The following RALGPS2 variants were observed in gnomAD, a reference collection of about 807,000 sequenced individuals.
RALGPS2 encodes Ral GEF with PH domain and SH3 binding motif 2.
RALGPS2 carries 43 observed loss-of-function variants against 86.8 expected under a neutral mutation model. That is an observed-to-expected ratio of 0.50 (90% CI 0.39 to 0.64). The LOEUF (loss-of-function observed/expected upper bound fraction) is 0.64. Among genes scored for constraint, RALGPS2 ranks in the 30% least tolerant of loss-of-function variants. The pLI, the probability that RALGPS2 is intolerant of heterozygous loss-of-function variation, is 0.00. For missense variants in RALGPS2, 536 were observed against 694.6 expected, an observed-to-expected ratio of 0.77 and a Z score of 2.57; for synonymous variants, 243 against 231.3, an observed-to-expected ratio of 1.05 and a Z score of -0.46.
At chr1:178,737,122 A>G (rs898588653) in intron 1 of RALGPS2, among the ~76,000 whole-genome samples, 12 of 152,212 alleles carry the variant, frequency 7.9e-5, no homozygotes, top group African/African-American at 2.9e-4. Flanking sequence ...AAGATGCACT[A>G]TTTATGTACA....
At chr1:178,755,612 T>C (rs528287426) in intron 1 of RALGPS2, among the ~76,000 whole-genome samples, 1 of 152,250 alleles carries the variant, frequency 6.6e-6, no homozygotes, top group Non-Finnish European at 1.5e-5. Flanking sequence ...AGGTTGATTT[T>C]ATATGTCTTT....
At chr1:178,765,477 A>G (rs1338595042) in intron 1 of RALGPS2, among the ~76,000 whole-genome samples, 1 of 152,188 alleles carries the variant, frequency 6.6e-6, no homozygotes, top group Non-Finnish European at 1.5e-5. Flanking sequence ...ATGCTTCACA[A>G]GGTAATAAAA....
At chr1:178,814,587 C>T (rs1655140136) in intron 6 of RALGPS2, among the ~76,000 whole-genome samples, 1 of 152,202 alleles carries the variant, frequency 6.6e-6, no homozygotes, top group Non-Finnish European at 1.5e-5. Context: ...AGGCATATGC[C>T]ACCACCTGTG....
chr1:178,819,164 T>C (rs1391363481), intron 6 of RALGPS2, among the ~76,000 whole-genome samples: 4 of 151,794 alleles, frequency 2.6e-5, no homozygotes, highest in African/African-American at 9.7e-5. Flanking sequence ...TTAATTTCTG[T>C]GTTTTTTTTA....
intron 1 of RALGPS2, among the ~76,000 whole-genome samples, chr1:178,761,241 G>T (rs1174611923): frequency 6.6e-6 from 1 of 152,054 alleles, no homozygotes; most frequent in Non-Finnish European, 1.5e-5. Context: ...CTCCCAAAGT[G>T]CTGGGATTAC....
chr1:178,770,756 C>T (rs949926365), intron 1 of RALGPS2, among the ~76,000 whole-genome samples: 6 of 151,504 alleles, frequency 4.0e-5, no homozygotes, highest in East Asian at 1.9e-4. Flanking sequence ...GAATTACAGG[C>T]GTGAGGCACC....
intron 1 of RALGPS2, among the ~76,000 whole-genome samples, chr1:178,773,225 T>C (rs963838179): frequency 2.6e-5 from 4 of 152,134 alleles, no homozygotes. Flanking sequence ...GGTGCACACC[T>C]CAGCTACTCA....
chr1:178,919,636 C>T lies in RALGPS2; in HGVS notation c.*3277C>T, dbSNP rs192813378. ...CTTTTATTTCTTTTTAAGGTTAAAT[C>T]GTAAACTGTATACCTTTACTACTGA... On this transcript the variant is annotated 3_prime_UTR_variant, in exon 20 of 20. Coordinates refer to ENST00000367635, the MANE Select transcript of RALGPS2 (RefSeq NM_152663.5). The T allele has an allele frequency of 6.6e-6, 1 of 151,960 alleles. No individual in the cohort carries two copies. Among genetic ancestry groups the T allele is most frequent in the Non-Finnish European group, 1.5e-5 (1 of 67,882 alleles). The allele number at this position is 151,960 out of a possible 1,614,324, so 9.4% of individuals were successfully genotyped here.
intron 8 of RALGPS2, chr1:178,865,193 A>G (rs1356240079): frequency 3.1e-6 from 5 of 1,613,516 alleles, no homozygotes; most frequent in Non-Finnish European, 4.2e-6. Flanking sequence ...TTCTTCCAAC[A>G]AAGTGATCAT....
At chr1:178,802,654 T>C (rs557066730) in intron 4 of RALGPS2, among the ~76,000 whole-genome samples, 1 of 152,312 alleles carries the variant, frequency 6.6e-6, no homozygotes, top group African/African-American at 2.4e-5. Context: ...AAAATTATTA[T>C]AGTAGAACAG....
At chr1:178,738,909 C>G (rs1264316262) in intron 1 of RALGPS2, among the ~76,000 whole-genome samples, 1 of 152,046 alleles carries the variant, frequency 6.6e-6, no homozygotes, top group Non-Finnish European at 1.5e-5. Context: ...TTCGTTATAC[C>G]TCTTCCAGTC....
At chr1:178,752,347 G>T (rs905374889) in intron 1 of RALGPS2, among the ~76,000 whole-genome samples, 1 of 151,138 alleles carries the variant, frequency 6.6e-6, no homozygotes, top group African/African-American at 2.4e-5. Context: ...ATTGGTGGCG[G>T]GGGGGAGGGT....
rs749379360 is a variant in RALGPS2, at chr1:178,878,950, A to G, written c.794A>G (p.Tyr265Cys). Residue 265 changes from tyrosine (Y) to cysteine (C), a missense_variant, in exon 10 of 20, where the codon TAT becomes TGT. Coordinates refer to ENST00000367635, the MANE Select transcript of RALGPS2 (RefSeq NM_152663.5). ...CAAAAATATCTCAACTCTGTTCAGTATATAGAAGAACTACAAAAATTTGTG... is the reference window on the plus strand; with the variant it reads ...CAAAAATATCTCAACTCTGTTCAGTGTATAGAAGAACTACAAAAATTTGTG... ...HVQKYLNSVQ[Y>C]IEELQKFVED... The G allele has an allele frequency of 7.4e-6, 12 of 1,612,732 alleles. No individual in the cohort carries two copies. The highest frequency in any genetic ancestry group is 1.0e-5 in the Non-Finnish European group (12 of 1,179,508).
At chr1:178,828,785 A>G (rs1655878058) in intron 7 of RALGPS2, among the ~76,000 whole-genome samples, 1 of 152,224 alleles carries the variant, frequency 6.6e-6, no homozygotes, top group African/African-American at 2.4e-5. Context: ...GAGTTTTGGT[A>G]AAGATGTGGA....
chr1:178,819,136 A>G (rs964369461), intron 6 of RALGPS2, among the ~76,000 whole-genome samples: 2 of 151,438 alleles, frequency 1.3e-5, no homozygotes, highest in Middle Eastern at 3.2e-3. Flanking sequence ...CTACAGGCAC[A>G]TGCCACCACG....
intron 3 of RALGPS2, among the ~76,000 whole-genome samples, chr1:178,784,767 A>G (rs1367648528): frequency 6.6e-6 from 1 of 152,054 alleles, no homozygotes; most frequent in East Asian, 1.9e-4. Flanking sequence ...AGCAATATGT[A>G]TTTACCATTA....
intron 1 of RALGPS2, among the ~76,000 whole-genome samples, chr1:178,739,946 A>G (rs1465710715): frequency 6.6e-6 from 1 of 152,186 alleles, no homozygotes; most frequent in African/African-American, 2.4e-5. Context: ...AGCTATAAGG[A>G]TGAATAGGGT....
Position 178,892,311 on chromosome 1 carries a change from C to T in RALGPS2, c.1325+4C>T. The T allele has an allele frequency of 6.2e-7, 1 of 1,611,710 alleles. No individual in the cohort carries two copies. Among genetic ancestry groups the T allele is most frequent in the Non-Finnish European group, 8.5e-7 (1 of 1,178,336 alleles). On this transcript the variant is annotated splice_donor_region_variant and intron_variant, in intron 15 of 19. Coordinates refer to ENST00000367635, the MANE Select transcript of RALGPS2 (RefSeq NM_152663.5). ...GAAGTCACATGAAGGCCAGCAGGTA[C>T]AATTCCCCTGCATTCAGGGGTCACA... is the stretch of plus-strand genomic sequence containing the variant.
At chr1:178,747,329 G>T in intron 1 of RALGPS2, 1 of 1,532,660 alleles carries the variant, frequency 6.5e-7, no homozygotes, top group East Asian at 2.2e-5. Flanking sequence ...ATGAAAGTGA[G>T]ATATTGTTCT....
Sources: allele counts gnomAD v4.1 joint callset (sites outside exome capture counted in the v4.1 genomes callset), GRCh38; gene constraint gnomAD v4.1.1; transcripts MANE v1.5; gene names NCBI Gene and HGNC (gene_info 2026-07-23, HGNC 2026-07-21).